BIRC2: variants seen among roughly 807,000 people sequenced by gnomAD.
BIRC2 encodes baculoviral IAP repeat containing 2.
Under a neutral mutation model 60.9 loss-of-function variants are expected in BIRC2, and 18 were observed. That is an observed-to-expected ratio of 0.30 (90% CI 0.20 to 0.44). BIRC2 has a LOEUF of 0.44. Among genes scored for constraint, BIRC2 ranks in the 20% least tolerant of loss-of-function variants. The probability of loss-of-function intolerance (pLI) is 1.00; values close to 1 mark genes in which losing one functional copy is unlikely to be tolerated. For synonymous variants in BIRC2, 282 were observed against 247.7 expected (o/e 1.14, Z -1.30); for missense variants, 701 against 728.5 (o/e 0.96, Z 0.43).
At chr11:102,359,252 A>G (rs192922835) in intron 3 of BIRC2, among the ~76,000 whole-genome samples, 102 of 152,286 alleles carry the variant, frequency 6.7e-4, no homozygotes, top group African/African-American at 2.3e-3. Context: ...CCTCCTGCAC[A>G]TATTTTATGT....
intron 5 of BIRC2, among the ~76,000 whole-genome samples, chr11:102,368,045 T>A (rs532295519): frequency 6.6e-6 from 1 of 152,348 alleles, no homozygotes; most frequent in Admixed American, 6.5e-5. Flanking sequence ...CTAATTCTTA[T>A]CCTTAGAGAA....
At position 102,359,881 on chromosome 11, in the gene BIRC2, T is replaced by C. The variant is rs1047298763; in HGVS notation, c.996-3015T>C. On this transcript the variant is annotated intron_variant, in intron 3 of 8. Transcript: ENST00000227758. ...TGTACCTGGATATCTTTCCCTAGAT[T>C]TATGAAGTTTTCAGCATTTTTTTTT... Among the ~76,000 whole-genome samples the C allele has an allele frequency of 3.9e-5, 6 of 152,160 alleles. No individual in the cohort carries two copies. The East Asian group carries it at 1.2e-3, about 29-fold the overall frequency.
chr11:102,374,768 C>A (rs533659850), intron 6 of BIRC2, among the ~76,000 whole-genome samples: 2 of 152,332 alleles, frequency 1.3e-5, no homozygotes, highest in Non-Finnish European at 1.5e-5. Flanking sequence ...CCCCCAGCCT[C>A]GCTGCTGCCT....
chr11:102,372,705 C>G (rs1372340977), intron 6 of BIRC2, among the ~76,000 whole-genome samples: 4 of 135,594 alleles, frequency 2.9e-5, no homozygotes, highest in African/African-American at 8.6e-5. Flanking sequence ...GAGCTGAGTT[C>G]AATTCCTGGG....
In BIRC2 at chr11:102,350,047, A is replaced by G; in HGVS notation, c.193A>G (p.Arg65Gly). Residue 65 changes from arginine (R) to glycine (G), a missense_variant, in exon 2 of 9, where the codon AGG becomes GGG. Physicochemically the swap from Arg to Gly is moderately radical, Grantham distance 125. Coordinates refer to ENST00000227758, the MANE Select transcript of BIRC2 (RefSeq NM_001166.5). Reference protein sequence around the residue: ...TFPAGVPVSERSLARAGFYYT... With the variant: ...TFPAGVPVSEGSLARAGFYYT... ...CCCCGCCGGGGTGCCTGTCTCAGAA[A>G]GGAGTCTTGCTCGTGCTGGTTTTTA... The G allele has an allele frequency of 6.2e-7, 1 of 1,614,242 alleles. No homozygotes were observed. The highest frequency in any genetic ancestry group is 8.5e-7 in the Non-Finnish European group (1 of 1,180,044).
At chr11:102,375,096 C>G (rs1460014945) in intron 6 of BIRC2, among the ~76,000 whole-genome samples, 1 of 152,232 alleles carries the variant, frequency 6.6e-6, no homozygotes, top group Non-Finnish European at 1.5e-5. Flanking sequence ...AACCCGGTAC[C>G]TCAGATGGAA....
chr11:102,362,997 C>T (rs752069995), intron 4 of BIRC2, 23 bp downstream of exon 4: 1 of 1,505,904 alleles, frequency 6.6e-7, no homozygotes, highest in Admixed American at 1.7e-5. Context: ...TTAAAATTAA[C>T]AACATTGAAT....
intron 3 of BIRC2, among the ~76,000 whole-genome samples, chr11:102,361,680 A>T (rs1423608086): frequency 6.6e-6 from 1 of 152,068 alleles, no homozygotes; most frequent in Non-Finnish European, 1.5e-5. Flanking sequence ...GTCTCCAGGG[A>T]CCTGCTCTGG....
chr11:102,363,536 G>A, intron 4 of BIRC2, 132 bp from the exon 5 acceptor site: 1 of 520,706 alleles, frequency 1.9e-6, no homozygotes, highest in Admixed American at 3.6e-5. Context: ...AGAAAGCAAA[G>A]CAAAGGTCAT....
intron 3 of BIRC2, among the ~76,000 whole-genome samples, chr11:102,361,579 T>C (rs939456634): frequency 6.6e-6 from 1 of 152,136 alleles, no homozygotes; most frequent in Non-Finnish European, 1.5e-5. Context: ...CTCTGCAAAG[T>C]AGGCTACTGG....
intron 3 of BIRC2, among the ~76,000 whole-genome samples, chr11:102,361,556 A>T (rs1951485636): frequency 6.6e-6 from 1 of 152,102 alleles, no homozygotes; most frequent in Admixed American, 6.6e-5. Flanking sequence ...TAATGGTGAA[A>T]GCTGTCAGTG....
In BIRC2 at chr11:102,377,585, A is replaced by G. The variant is rs771507033; in HGVS notation, c.1456A>G (p.Asn486Asp). The change falls in exon 7 of 9, where the codon AAT becomes GAT. Residue 486 changes from asparagine (N) to aspartate (D), a missense_variant. This residue lies in a region of BIRC2 where 235 missense variants were observed against 208.9 expected (regional missense o/e 1.12). Coordinates refer to ENST00000227758, the MANE Select transcript of BIRC2 (RefSeq NM_001166.5). ...TATCCTGGATAATCTTTTAAAGGCC[A>G]ATGTAATTAATAAACAGGAACATGA... ...LPILDNLLKA[N>D]VINKQEHDII... 2.5e-6 allele frequency: 4 copies of G among 1,611,750 alleles called. No homozygotes were observed. Among genetic ancestry groups the G allele is most frequent in the East Asian group, 2.2e-5 (1 of 44,838 alleles).
chr11:102,377,772 T>C (rs759488013), intron 7 of BIRC2, 22 bp downstream of exon 7: 1 of 1,592,888 alleles, frequency 6.3e-7, no homozygotes, highest in South Asian at 1.2e-5. Flanking sequence ...GGGAAAATTA[T>C]TTTAGAAATT....
chr11:102,376,418 T>C (rs1951714944), intron 6 of BIRC2, among the ~76,000 whole-genome samples: 1 of 152,252 alleles, frequency 6.6e-6, no homozygotes, highest in Admixed American at 6.5e-5. Flanking sequence ...TGGAATTTTA[T>C]AGTTTTGAGA....
chr11:102,375,939 A>G (rs967873106), intron 6 of BIRC2, among the ~76,000 whole-genome samples: 1 of 151,882 alleles, frequency 6.6e-6, no homozygotes, highest in Admixed American at 6.6e-5. Flanking sequence ...AAAACACTTT[A>G]ACACAGCTCC....
At position 102,349,814 on chromosome 11, in the gene BIRC2, A is replaced by C; in HGVS notation, c.-41A>C. 6.6e-7 allele frequency: 1 copy of C among 1,519,088 alleles called. No homozygotes were observed. The highest frequency in any genetic ancestry group is 1.3e-5 in the South Asian group (1 of 75,068). 94.1% of individuals were successfully genotyped at this position (1,519,088 alleles called of 1,614,324 possible). The stretch of plus-strand genomic sequence containing the variant: ...ATCTTAGTTCATGTGAAGAAATTTC[A>C]TGTGAATGTTTTAGCTATCAAACAG... On this transcript the variant is annotated 5_prime_UTR_variant, in exon 2 of 9. An upstream start codon of the reference 5' UTR is lost. Transcript: ENST00000227758.
intron 6 of BIRC2, among the ~76,000 whole-genome samples, chr11:102,373,841 A>G (rs1329678115): frequency 6.6e-6 from 1 of 151,194 alleles, no homozygotes; most frequent in African/African-American, 2.4e-5. Context: ...ACATAATCCC[A>G]TATTTCTTGG....
chr11:102,376,892 A>C (rs966675517), intron 6 of BIRC2, among the ~76,000 whole-genome samples: 2 of 152,184 alleles, frequency 1.3e-5, no homozygotes, highest in Non-Finnish European at 2.9e-5. Context: ...ACACATAGCT[A>C]GTGAGTGGGC....
chr11:102,378,396 G>T lies in BIRC2; in HGVS notation c.*213G>T. 2.3e-6 allele frequency: 1 copy of T among 444,054 alleles called. No individual in the cohort carries two copies. The highest frequency in any genetic ancestry group is 3.9e-6 in the Non-Finnish European group (1 of 254,856). 27.5% of individuals were successfully genotyped at this position (444,054 alleles called of 1,614,324 possible). On this transcript the variant is annotated 3_prime_UTR_variant, in exon 9 of 9. Transcript: ENST00000227758. The stretch of plus-strand genomic sequence containing the variant: ...ATTTACAAGGGAAGATTTATGTTTG[G>T]TGAACTATATTAGTATGTATGTGTA...
Sources: allele counts gnomAD v4.1 joint callset (sites outside exome capture counted in the v4.1 genomes callset), GRCh38; gene constraint gnomAD v4.1.1; regional missense constraint gnomAD v4.1.1; transcripts MANE v1.5; gene names NCBI Gene and HGNC (gene_info 2026-07-23, HGNC 2026-07-21).